Variants in HDAC9 observed in about 807,000 individuals in gnomAD.
The protein encoded by HDAC9 is histone deacetylase 9, also known as MEF-2 interacting transcription repressor (MITR) protein.
Under a neutral mutation model 139.4 loss-of-function variants are expected in HDAC9, and 41 were observed. That is an observed-to-expected ratio of 0.29 (90% confidence interval 0.23 to 0.38). The LOEUF is 0.38. HDAC9 is among the 10% of genes least tolerant of loss of function. The pLI is 1.00. For missense variants in HDAC9, 1,147 were observed against 1,297.0 expected, an observed-to-expected ratio of 0.88 and a Z score of 1.78; for synonymous variants, 517 against 476.2, an observed-to-expected ratio of 1.09 and a Z score of -1.12.
intron 17 of HDAC9, among the ~76,000 whole-genome samples, chr7:18,828,834 T>G (rs572305135): frequency 6.6e-6 from 1 of 152,288 alleles, no homozygotes; most frequent in South Asian, 2.1e-4. Context: ...GTTGATGTCA[T>G]AAAATAAGGA....
At chr7:18,711,094 C>A (rs1188373587) in intron 12 of HDAC9, among the ~76,000 whole-genome samples, 1 of 152,120 alleles carries the variant, frequency 6.6e-6, no homozygotes, top group Non-Finnish European at 1.5e-5. Context: ...TTAAGTGGAT[C>A]CTCTCATTTA....
chr7:18,776,424 C>A (rs1790772819), intron 16 of HDAC9, among the ~76,000 whole-genome samples: 1 of 152,092 alleles, frequency 6.6e-6, no homozygotes, highest in African/African-American at 2.4e-5. Flanking sequence ...CATTTGCTCA[C>A]TTATTTAGTA....
intron 4 of HDAC9, 124 bp downstream of exon 4, chr7:18,590,610 A>G: frequency 9.9e-7 from 1 of 1,008,648 alleles, no homozygotes; most frequent in Non-Finnish European, 1.4e-6. Flanking sequence ...AATTAAAAGC[A>G]TAGATTACAG....
chr7:18,824,567 A>C (rs924587436), intron 17 of HDAC9, among the ~76,000 whole-genome samples: 9 of 152,228 alleles, frequency 5.9e-5, no homozygotes, highest in Non-Finnish European at 1.2e-4. Context: ...AAATCATGAA[A>C]GTGATGTTGC....
intron 16 of HDAC9, among the ~76,000 whole-genome samples, chr7:18,788,753 T>TAAAA (rs5882674): frequency 7.4e-6 from 1 of 135,676 alleles, no homozygotes. Flanking sequence ...AGACTCTGTT[T>TAAAA]AAAAAAAAAA....
chr7:18,658,413 G>GA (rs1181073562), intron 11 of HDAC9, among the ~76,000 whole-genome samples: 3 of 151,746 alleles, frequency 2.0e-5, no homozygotes, highest in Admixed American at 1.3e-4. Context: ...AGAACCAGAG[G>GA]AAAAAAAATT....
At chr7:18,747,529 T>C (rs1788084903) in intron 13 of HDAC9, among the ~76,000 whole-genome samples, 1 of 152,188 alleles carries the variant, frequency 6.6e-6, no homozygotes, top group Non-Finnish European at 1.5e-5. Flanking sequence ...ATATCGTGTG[T>C]GGTTTAAGAT....
intron 11 of HDAC9, among the ~76,000 whole-genome samples, chr7:18,655,354 G>A (rs952243507): frequency 1.3e-5 from 2 of 152,050 alleles, no homozygotes; most frequent in African/African-American, 4.8e-5. Flanking sequence ...ACAGTAAAAA[G>A]CCTCCTAGAT....
At chr7:18,430,254 T>C (rs949058947) in intron 1 of HDAC9, among the ~76,000 whole-genome samples, 1 of 152,184 alleles carries the variant, frequency 6.6e-6, no homozygotes, top group African/African-American at 2.4e-5. Flanking sequence ...GATGGTGTCT[T>C]GCTCTATTGC....
chr7:18,370,402 C>T (rs932265754), intron 1 of HDAC9, among the ~76,000 whole-genome samples: 2 of 152,100 alleles, frequency 1.3e-5, no homozygotes. Flanking sequence ...CTGGAAATTG[C>T]TGAAAATATT....
intron 17 of HDAC9, among the ~76,000 whole-genome samples, chr7:18,797,964 G>T (rs997160780): frequency 6.6e-6 from 1 of 151,228 alleles, no homozygotes; most frequent in South Asian, 2.1e-4. Flanking sequence ...ATTTATCCAT[G>T]TGGAGATATA....
chr7:18,884,230 G>T (rs1158582215), intron 22 of HDAC9, among the ~76,000 whole-genome samples: 1 of 152,108 alleles, frequency 6.6e-6, no homozygotes, highest in Non-Finnish European at 1.5e-5. Context: ...AAAAGACCCT[G>T]AATAGCCTAA....
At position 18,659,719 on chromosome 7, in the gene HDAC9, C is replaced by T. The variant is rs879306459; in HGVS notation, c.1468-6494C>T. On this transcript the variant is annotated intron_variant, in intron 11 of 25. Coordinates refer to ENST00000686413, the MANE Select transcript of HDAC9 (RefSeq NM_178425.4). ...CCTCTTCTTCATCTCTGCTGGGTTC[C>T]CCACTGAAGTAACTCACCTGGTGTC... 3.9e-5 allele frequency among the ~76,000 whole-genome samples: 6 copies of T among 152,126 alleles called. No homozygotes were observed. In the East Asian group the frequency reaches 5.8e-4, roughly 15 times the overall value.
chr7:18,995,875 C>A, intron 25 of HDAC9, 148 bp from the exon 26 acceptor site: 1 of 599,584 alleles, frequency 1.7e-6, no homozygotes. Flanking sequence ...GTTTATACTT[C>A]CTAGGAAAGA....
At chr7:18,553,325 A>G (rs1301369861) in intron 2 of HDAC9, among the ~76,000 whole-genome samples, 2 of 152,178 alleles carry the variant, frequency 1.3e-5, no homozygotes, top group Admixed American at 6.5e-5. Context: ...TAAGAACCCT[A>G]TGTTTTTAGG....
intron 2 of HDAC9, among the ~76,000 whole-genome samples, chr7:18,548,208 A>G (rs1321826547): frequency 2.0e-5 from 3 of 152,142 alleles, no homozygotes; most frequent in African/African-American, 7.2e-5. Flanking sequence ...AACACCACAC[A>G]CAACATTTAC....
chr7:18,376,006 A>G (rs190795798), intron 1 of HDAC9, among the ~76,000 whole-genome samples: 3 of 152,352 alleles, frequency 2.0e-5, no homozygotes, highest in Admixed American at 1.3e-4. Context: ...TCATTAAAAC[A>G]TGATTATTGA....
At chr7:18,345,628 A>G (rs1782354333) in intron 1 of HDAC9, among the ~76,000 whole-genome samples, 1 of 150,530 alleles carries the variant, frequency 6.6e-6, no homozygotes, top group Non-Finnish European at 1.5e-5. Context: ...CTTTTAGCTT[A>G]TTATGCTCCC....
At position 18,383,820 on chromosome 7, in the gene HDAC9, C is replaced by T. The variant is rs540544191; in HGVS notation, c.-42+93305C>T. Among the ~76,000 whole-genome samples the T allele has an allele frequency of 7.5e-3, 1,127 of 149,394 alleles. 3 individuals carry two copies. The highest frequency in any genetic ancestry group is 0.013 in the Non-Finnish European group (881 of 67,524). On this transcript the variant is annotated intron_variant, in intron 1 of 3. Coordinates refer to the HDAC9 transcript ENST00000413509. Reference sequence around the variant, plus strand: ...AGGAGAATGGCGTGAACCCGGGAGGCGGAGCTTGCAGTGAGCCGAGATTGC... The same window carrying T: ...AGGAGAATGGCGTGAACCCGGGAGGTGGAGCTTGCAGTGAGCCGAGATTGC...
Sources: allele counts gnomAD v4.1 joint callset (sites outside exome capture counted in the v4.1 genomes callset), GRCh38; gene constraint gnomAD v4.1.1; transcripts MANE v1.5; gene names NCBI Gene and HGNC (gene_info 2026-07-23, HGNC 2026-07-21).